ZFP36L1: variants seen among roughly 807,000 people sequenced by gnomAD.
ZFP36L1 encodes the protein mRNA decay activator protein ZFP36L1.
ZFP36L1 carries 4 observed loss-of-function variants against 16.7 expected under a neutral mutation model. The ratio of observed to expected loss-of-function variants is 0.24; its 90% CI spans 0.12 to 0.55. The LOEUF is 0.55. ZFP36L1 is among the 20% of genes least tolerant of loss of function. ZFP36L1 has a pLI of 0.94. For missense variants in ZFP36L1, 311 were observed against 449.2 expected, an observed-to-expected ratio of 0.69 and a Z score of 2.78; for synonymous variants, 220 against 190.8, an observed-to-expected ratio of 1.15 and a Z score of -1.26.
At chr14:68,796,141 C>T (rs1895250780), upstream of ZFP36L1, 6 of 1,366,306 alleles carry the variant, frequency 4.4e-6, no homozygotes, top group Non-Finnish European at 5.9e-6. Context: ...ACTTCCGGGC[C>T]CTCCCCATTC....
In ZFP36L1 at chr14:68,788,191, A is replaced by G. The variant is rs1355733110; in HGVS notation, c.*1342T>C. ...AAGTTACAAAAAATGTCGTTGAAGA[A>G]TAATATATTAAAACTGTGGAAAAAA... On this transcript the variant is annotated 3_prime_UTR_variant, in exon 2 of 2. Coordinates refer to ENST00000439696, the MANE Select transcript of ZFP36L1 (RefSeq NM_004926.4). 1 of 152,172 alleles carries G rather than the reference A, an allele frequency of 6.6e-6. No homozygotes were observed. Among genetic ancestry groups the G allele is most frequent in the Non-Finnish European group, 1.5e-5 (1 of 68,030 alleles). The allele number at this position is 152,172 out of a possible 1,614,324, so 9.4% of individuals were successfully genotyped here.
At chr14:68,795,925 G>T, upstream of ZFP36L1, 1 of 1,124,748 alleles carries the variant, frequency 8.9e-7, no homozygotes, top group Non-Finnish European at 1.2e-6. Flanking sequence ...CCCAGACGTG[G>T]TCGACAGGTG....
upstream of ZFP36L1, chr14:68,793,230 G>A (rs1237683128): frequency 9.5e-6 from 10 of 1,052,092 alleles, no homozygotes; most frequent in African/African-American, 1.5e-4. Flanking sequence ...GGCAGGGGGA[G>A]GAGAAGAAAC....
At chr14:68,793,896 C>T, upstream of ZFP36L1, 1 of 575,800 alleles carries the variant, frequency 1.7e-6, no homozygotes, top group East Asian at 1.7e-4. Context: ...CTCGCGCTCG[C>T]TTTGCAGCCG....
Position 68,789,882 on chromosome 14 carries a change from G to T in ZFP36L1, c.668C>A (p.Pro223His). 1 of 1,610,384 alleles carries T rather than the reference G, an allele frequency of 6.2e-7. No individual in the cohort carries two copies. ...AATAGGGGGTGGGGTGATGGACGTG[G>T]GGCTGTCCAGCAGCCCGGTGGCAGC... ...TAAATGLLDS[P>H]TSITPPPILS... is the part of the protein sequence containing the mutation. Residue 223 changes from proline to histidine, a missense_variant, in exon 2 of 2, where the codon CCC becomes CAC. Pro to His is a moderately conservative substitution (Grantham distance 77, BLOSUM62 -2). Coordinates refer to ENST00000439696, the MANE Select transcript of ZFP36L1 (RefSeq NM_004926.4). This position sits in a 1 kb window ranked among gnomAD's most constrained non-coding sequence, Gnocchi z 4.5.
chr14:68,793,861 A>G (rs1206743364), upstream of ZFP36L1: 1 of 968,072 alleles, frequency 1.0e-6, no homozygotes, highest in Non-Finnish European at 1.2e-6. Context: ...GCGCGGCACA[A>G]TTTAGTGCGC....
chr14:68,791,797 C>A (rs1410736029), intron 1 of ZFP36L1, among the ~76,000 whole-genome samples: 1 of 152,150 alleles, frequency 6.6e-6, no homozygotes, highest in Non-Finnish European at 1.5e-5. Context: ...CTGAAAAATT[C>A]AAACTTTTTA....
intron 1 of ZFP36L1, among the ~76,000 whole-genome samples, chr14:68,792,238 T>A (rs1262990633): frequency 1.5e-5 from 2 of 130,698 alleles, no homozygotes; most frequent in Non-Finnish European, 3.1e-5. Flanking sequence ...GCAACACAGG[T>A]AAGCGGGTCA....
At chr14:68,791,334 C>A in intron 1 of ZFP36L1, 1 of 501,806 alleles carries the variant, frequency 2.0e-6, no homozygotes. Flanking sequence ...AGGAAAGCAC[C>A]AACCCCCCTA....
At chr14:68,791,656 G>T (rs538902428) in intron 1 of ZFP36L1, among the ~76,000 whole-genome samples, 9 of 151,776 alleles carry the variant, frequency 5.9e-5, no homozygotes, top group African/African-American at 1.9e-4. Context: ...AAAGTCGTGA[G>T]GGGGGAGGGG....
rs1051385851 is a variant in ZFP36L1, at chr14:68,788,485, T to C, written c.*1048A>G. On this transcript the variant is annotated 3_prime_UTR_variant, in exon 2 of 2. Transcript: ENST00000439696. Reference sequence around the variant, plus strand: ...AAGCATGGCGTGAGTGCTCTAAGGATAGACCTACGGTATTCTAGAGCAAAA... The same window carrying C: ...AAGCATGGCGTGAGTGCTCTAAGGACAGACCTACGGTATTCTAGAGCAAAA... The C allele has an allele frequency of 1.3e-5, 2 of 152,694 alleles. No homozygotes were observed. Among genetic ancestry groups the C allele is most frequent in the African/African-American group, 4.8e-5 (2 of 41,418 alleles). The allele number at this position is 152,694 out of a possible 1,614,324, so 9.5% of individuals were successfully genotyped here. A position where few individuals can be genotyped will look rare whatever the true frequency, so the allele number is the denominator to read the frequency against.
At chr14:68,791,230 A>T (rs1004192881) in intron 1 of ZFP36L1, 5 of 565,012 alleles carry the variant, frequency 8.8e-6, no homozygotes, top group Non-Finnish European at 1.6e-5. Flanking sequence ...CACTGAGAAG[A>T]TGCCTTTGCA....
Position 68,788,857 on chromosome 14 carries a change from G to C in ZFP36L1, c.*676C>G, listed in dbSNP as rs1376647186. 1.5e-5 allele frequency: 2 copies of C among 137,224 alleles called. No individual in the cohort carries two copies. Among genetic ancestry groups the C allele is most frequent in the Non-Finnish European group, 3.0e-5 (2 of 65,854 alleles). The allele number at this position is 137,224 out of a possible 1,614,324, so 8.5% of individuals were successfully genotyped here. A position where few individuals can be genotyped will look rare whatever the true frequency, so the allele number is the denominator to read the frequency against. ...AGTCAACAGGGGTTCAGATCGGGAA[G>C]AAAAAGGTTTTGAATGTCAAGACAG... is the stretch of plus-strand genomic sequence containing the variant. On this transcript the variant is annotated 3_prime_UTR_variant, in exon 2 of 2. Coordinates refer to ENST00000439696, the MANE Select transcript of ZFP36L1 (RefSeq NM_004926.4).
At chr14:68,792,598 A>G (rs1895121799) in intron 1 of ZFP36L1, among the ~76,000 whole-genome samples, 1 of 151,966 alleles carries the variant, frequency 6.6e-6, no homozygotes, top group Non-Finnish European at 1.5e-5. Flanking sequence ...TCCCAATCCC[A>G]GCCCTCCCCC....
chr14:68,787,924 G>A lies in ZFP36L1; in HGVS notation c.*1609C>T, dbSNP rs1000850905. 1 of 135,350 alleles carries A rather than the reference G, an allele frequency of 7.4e-6. No individual in the cohort carries two copies. Among genetic ancestry groups the A allele is most frequent in the Non-Finnish European group, 1.6e-5 (1 of 62,196 alleles). The allele number at this position is 135,350 out of a possible 1,614,324, so 8.4% of individuals were successfully genotyped here. A position where few individuals can be genotyped will look rare whatever the true frequency, so the allele number is the denominator to read the frequency against. On this transcript the variant is annotated 3_prime_UTR_variant, in exon 2 of 2. Transcript: ENST00000439696. Reference sequence around the variant, plus strand: ...GAGATGGGCACGTGGAAGTCAAAGGGTTTCTCTTTTTTTTTTTTTCCCCTT... The same window carrying A: ...GAGATGGGCACGTGGAAGTCAAAGGATTTCTCTTTTTTTTTTTTTCCCCTT...
rs1594716609 is a variant in ZFP36L1, at chr14:68,790,118, G to C, written c.432C>G (p.Leu144=). 1.2e-6 allele frequency: 2 copies of C among 1,610,966 alleles called. No individual in the cohort carries two copies. The highest frequency in any genetic ancestry group is 8.5e-7 in the Non-Finnish European group (1 of 1,177,968). ...ACTTGGGGTGGCGGGTCAGGCTGCGGAGCTCGTGGATGCCGTGTGCGAACT... is the reference window on the plus strand; with the variant it reads ...ACTTGGGGTGGCGGGTCAGGCTGCGCAGCTCGTGGATGCCGTGTGCGAACT... ...KCQFAHGIHE[L]RSLTRHPKYK... is the part of the protein sequence containing the mutation. The change falls in exon 2 of 2, where the codon CTC becomes CTG. Residue 144 remains leucine (L), a synonymous_variant. Coordinates refer to ENST00000439696, the MANE Select transcript of ZFP36L1 (RefSeq NM_004926.4).
chr14:68,793,929 T>TGGGGGGGGG, upstream of ZFP36L1: 6 of 180,628 alleles, frequency 3.3e-5, no homozygotes, highest in Non-Finnish European at 5.2e-5. Flanking sequence ...TGTGGGCGGG[T>TGGGGGGGGG]GGGGGGCGCC....
upstream of ZFP36L1, chr14:68,793,910 C>T (rs1895180890): frequency 4.1e-6 from 4 of 972,094 alleles, no homozygotes; most frequent in African/African-American, 7.1e-5. Context: ...GCAGCCGGCG[C>T]TCTCCGGGTG....
chr14:68,792,197 C>T (rs1274032323), intron 1 of ZFP36L1, among the ~76,000 whole-genome samples: 1 of 151,854 alleles, frequency 6.6e-6, no homozygotes, highest in Non-Finnish European at 1.5e-5. Flanking sequence ...CCCCCCAACC[C>T]CGCCCGCAAT....
Sources: allele counts gnomAD v4.1 joint callset (sites outside exome capture counted in the v4.1 genomes callset), GRCh38; gene constraint gnomAD v4.1.1; non-coding constraint Gnocchi (gnomAD v3.1); transcripts MANE v1.5; gene names NCBI Gene and HGNC (gene_info 2026-07-23, HGNC 2026-07-21).